CTNND2: variants seen among roughly 807,000 people sequenced by gnomAD.
CTNND2 encodes catenin delta-2.
CTNND2 carries 22 observed loss-of-function variants against 144.4 expected under a neutral mutation model. The ratio of observed to expected loss-of-function variants is 0.15; its 90% CI spans 0.11 to 0.22. CTNND2 has a LOEUF of 0.22. Among genes scored for constraint, CTNND2 ranks in the 10% least tolerant of loss-of-function variants. CTNND2 has a pLI of 1.00. For missense variants in CTNND2, 1,353 were observed against 1,618.8 expected (o/e 0.84, Z 2.82); for synonymous variants, 751 against 695.6 (o/e 1.08, Z -1.25).
intron 2 of CTNND2, among the ~76,000 whole-genome samples, chr5:11,701,305 G>A (rs539978877): frequency 3.3e-5 from 5 of 152,270 alleles, no homozygotes; most frequent in Admixed American, 2.0e-4. Flanking sequence ...GAATTCCATC[G>A]GATGTCACAG....
chr5:11,875,867 T>C (rs1735532025), intron 1 of CTNND2, among the ~76,000 whole-genome samples: 1 of 152,176 alleles, frequency 6.6e-6, no homozygotes, highest in Admixed American at 6.5e-5. Flanking sequence ...TTCCCCTCCA[T>C]AAATCAAGAC....
At chr5:11,076,981 G>T (rs927187141) in intron 16 of CTNND2, among the ~76,000 whole-genome samples, 2 of 152,146 alleles carry the variant, frequency 1.3e-5, no homozygotes, top group African/African-American at 4.8e-5. Context: ...ATAGAGAAAA[G>T]AAACTGGCTG....
intron 1 of CTNND2, among the ~76,000 whole-genome samples, chr5:11,850,310 A>C (rs1005796998): frequency 6.6e-6 from 1 of 152,206 alleles, no homozygotes; most frequent in African/African-American, 2.4e-5. Flanking sequence ...TTTGTGACAA[A>C]TTAAAAATGA....
rs1561353824 is a variant in CTNND2 at position 11,411,662 on chromosome 5, A to C, written c.323-10T>G. On this transcript the variant is annotated splice_polypyrimidine_tract_variant and intron_variant, in intron 4 of 21. Coordinates refer to ENST00000304623, the MANE Select transcript of CTNND2 (RefSeq NM_001332.4). ...ATATCTTTTTGACCATCTGAAATGA[A>C]ATATTTTAAAGTGATGAACAAACAC... is the stretch of plus-strand genomic sequence containing the variant. 1 of 1,518,694 alleles carries C rather than the reference A, an allele frequency of 6.6e-7. No individual in the cohort carries two copies. The highest frequency in any genetic ancestry group is 1.4e-5 in the African/African-American group (1 of 72,904). The allele number at this position is 1,518,694 out of a possible 1,614,324, so 94.1% of individuals were successfully genotyped here. A position where few individuals can be genotyped will look rare whatever the true frequency, so the allele number is the denominator to read the frequency against.
intron 7 of CTNND2, among the ~76,000 whole-genome samples, chr5:11,377,424 G>A (rs982992217): frequency 2.0e-5 from 3 of 151,998 alleles, no homozygotes; most frequent in East Asian, 1.9e-4. Flanking sequence ...TGAGGTGTCC[G>A]GGAAATAGGG....
intron 9 of CTNND2, among the ~76,000 whole-genome samples, chr5:11,269,811 C>T (rs1374940390): frequency 1.3e-5 from 2 of 152,104 alleles, no homozygotes; most frequent in Non-Finnish European, 2.9e-5. Context: ...AGGACATCAT[C>T]TGTATTTACT....
At chr5:11,655,133 T>C (rs1009040285) in intron 2 of CTNND2, among the ~76,000 whole-genome samples, 1 of 152,108 alleles carries the variant, frequency 6.6e-6, no homozygotes, top group Non-Finnish European at 1.5e-5. Flanking sequence ...CATTTTATAT[T>C]GTTTTAAAGA....
intron 3 of CTNND2, among the ~76,000 whole-genome samples, chr5:11,514,461 A>G (rs568472895): frequency 1.3e-5 from 2 of 152,316 alleles, no homozygotes; most frequent in South Asian, 4.1e-4. Context: ...GTTTAAGAGC[A>G]TGAATGTAAT....
At chr5:11,781,224 A>T (rs1790527307) in intron 1 of CTNND2, among the ~76,000 whole-genome samples, 1 of 38,312 alleles carries the variant, frequency 2.6e-5, no homozygotes, top group Non-Finnish European at 1.4e-4. Context: ...CAGAGGAGGG[A>T]TCTAAGGAGT....
At chr5:11,088,910 G>A (rs963086826) in intron 15 of CTNND2, among the ~76,000 whole-genome samples, 2 of 152,200 alleles carry the variant, frequency 1.3e-5, no homozygotes, top group Non-Finnish European at 2.9e-5. Flanking sequence ...GCTGGTAGGG[G>A]ATGAGTTTAT....
In CTNND2 at chr5:11,100,641, G is replaced by C. The variant is rs181509954; in HGVS notation, c.2464-1893C>G. ...GTGAATCTATCTGCTAGAGTAACAA[G>C]AAATGGCAAATTATTTCTTTTATTT... On this transcript the variant is annotated intron_variant, in intron 14 of 21. Coordinates refer to ENST00000304623, the MANE Select transcript of CTNND2 (RefSeq NM_001332.4). Among the ~76,000 whole-genome samples the C allele has an allele frequency of 4.6e-5, 7 of 152,258 alleles. No homozygotes were observed. The East Asian group carries it at 1.3e-3, about 29-fold the overall frequency.
intron 2 of CTNND2, among the ~76,000 whole-genome samples, chr5:11,636,033 C>A (rs115233736): frequency 6.0e-5 from 9 of 149,890 alleles, no homozygotes; most frequent in African/African-American, 1.7e-4. Flanking sequence ...AATCCCCCCC[C>A]ACCCCCGCCA....
intron 1 of CTNND2, among the ~76,000 whole-genome samples, chr5:11,789,851 C>A (rs538811303): frequency 2.8e-4 from 43 of 152,276 alleles, no homozygotes; most frequent in African/African-American, 8.7e-4. Flanking sequence ...TTGGTAACTC[C>A]TTTACAAGTT....
chr5:11,380,401 T>A (rs1006479474), intron 7 of CTNND2, among the ~76,000 whole-genome samples: 2 of 152,172 alleles, frequency 1.3e-5, no homozygotes, highest in African/African-American at 4.8e-5. Flanking sequence ...GTACTTTACA[T>A]ATGCTACCTT....
intron 3 of CTNND2, among the ~76,000 whole-genome samples, chr5:11,492,142 C>T (rs1015061477): frequency 3.3e-5 from 5 of 152,288 alleles, no homozygotes; most frequent in Admixed American, 3.3e-4. Context: ...CTTTATGATG[C>T]TAATAAACCA....
chr5:11,149,340 A>G (rs1757534517), intron 12 of CTNND2, among the ~76,000 whole-genome samples: 2 of 152,188 alleles, frequency 1.3e-5, no homozygotes, highest in African/African-American at 4.8e-5. Flanking sequence ...GTTCCAAAAT[A>G]AGGGCAGGCA....
rs1777802639 is a variant in CTNND2 at position 11,574,293 on chromosome 5, T to C, written c.175-9237A>G. Reference sequence around the variant, plus strand: ...AGTGCTTCACATGTATTAACTTATTTATTCCAATGTTGACTCAATAAGGTA... The same window carrying C: ...AGTGCTTCACATGTATTAACTTATTCATTCCAATGTTGACTCAATAAGGTA... On this transcript the variant is annotated intron_variant, in intron 2 of 21. Coordinates refer to ENST00000304623, the MANE Select transcript of CTNND2 (RefSeq NM_001332.4). 2.0e-5 allele frequency among the ~76,000 whole-genome samples: 3 copies of C among 152,134 alleles called. No individual in the cohort carries two copies. The South Asian group carries it at 6.2e-4, about 32-fold the overall frequency.
chr5:11,879,356 T>TATATATATAC (rs904010417), intron 1 of CTNND2, among the ~76,000 whole-genome samples: 12 of 141,420 alleles, frequency 8.5e-5, no homozygotes, highest in African/African-American at 2.8e-4. Context: ...TATATATATA[T>TATATATATAC]ACATATACAC....
chr5:11,552,311 A>G (rs899137988), intron 3 of CTNND2, among the ~76,000 whole-genome samples: 5 of 152,214 alleles, frequency 3.3e-5, no homozygotes, highest in African/African-American at 1.2e-4. Context: ...CATTCAGACC[A>G]TATGAGGCAA....
Sources: allele counts gnomAD v4.1 joint callset (sites outside exome capture counted in the v4.1 genomes callset), GRCh38; gene constraint gnomAD v4.1.1; transcripts MANE v1.5; gene names NCBI Gene and HGNC (gene_info 2026-07-23, HGNC 2026-07-21).